The following POLN variants were observed in gnomAD, a reference collection of about 807,000 sequenced individuals.
POLN encodes DNA polymerase nu.
POLN carries 108 observed loss-of-function variants against 113.5 expected under a neutral mutation model. The ratio of observed to expected loss-of-function variants is 0.95; its 90% confidence interval spans 0.81 to 1.12. POLN has a LOEUF of 1.12. Ranked by LOEUF, POLN falls within the 50% of genes most tolerant of loss-of-function variation. The pLI is 0.00. For synonymous variants in POLN, 386 were observed against 391.5 expected (o/e 0.99, Z 0.17); for missense variants, 1,097 against 1,077.1 (o/e 1.02, Z -0.26).
intron 7 of POLN, among the ~76,000 whole-genome samples, chr4:2,181,994 C>T (rs1454213808): frequency 3.0e-5 from 4 of 133,660 alleles, no homozygotes; most frequent in Non-Finnish European, 4.5e-5. Flanking sequence ...AGTGAGACTC[C>T]GTCTCAAAAA....
intron 3 of POLN, chr4:2,228,091 G>A (rs1734444498): frequency 6.5e-6 from 1 of 153,086 alleles, no homozygotes; most frequent in Non-Finnish European, 1.5e-5. Flanking sequence ...GAGCTTTTGT[G>A]CTAATATTCG....
chr4:2,131,157 C>T, intron 17 of POLN, 76 bp downstream of exon 17: 1 of 1,075,920 alleles, frequency 9.3e-7, no homozygotes, highest in Admixed American at 1.9e-5. Flanking sequence ...TGCACTCTAG[C>T]CTGGGTGACA....
In POLN at chr4:2,085,681, C is replaced by T; in HGVS notation, c.2129G>A (p.Ser710Asn). The T allele has an allele frequency of 1.9e-6, 3 of 1,614,178 alleles. No individual in the cohort carries two copies. Among genetic ancestry groups the T allele is most frequent in the Non-Finnish European group, 2.5e-6 (3 of 1,180,048 alleles). Reference protein sequence around the residue: ...PIQEAAQFLESFLQKYKKIKD... With the variant: ...PIQEAAQFLENFLQKYKKIKD... ...GATTTTCTTGTACTTCTGCAAAAAACTCTCCAAAAACTGGGCAGCTTCCTG... is the reference window on the plus strand; with the variant it reads ...GATTTTCTTGTACTTCTGCAAAAAATTCTCCAAAAACTGGGCAGCTTCCTG... Residue 710 changes from serine to asparagine, a missense_variant, in exon 21 of 26, where the codon AGT becomes AAT. By Grantham distance (46) the Ser-to-Asn change is conservative (BLOSUM62 1). Transcript: ENST00000511885.
intron 6 of POLN, among the ~76,000 whole-genome samples, chr4:2,197,079 C>G (rs1733595345): frequency 6.6e-6 from 1 of 152,206 alleles, no homozygotes; most frequent in Non-Finnish European, 1.5e-5. Flanking sequence ...TGTGGCTTTT[C>G]TACACTTGAT....
chr4:2,196,046 G>T (rs1733564843), intron 6 of POLN, among the ~76,000 whole-genome samples: 1 of 152,150 alleles, frequency 6.6e-6, no homozygotes, highest in Non-Finnish European at 1.5e-5. Flanking sequence ...CAACCCAATT[G>T]CATCACTAAG....
rs372554094 is a variant in POLN at position 2,119,760 on chromosome 4, C to T, written c.1982+8353G>A. ...TGCTGCTTTTTTACCACATGCTATT[C>T]TAGTCCTCTGCTTGGAACATAAAAA... On this transcript the variant is annotated intron_variant, in intron 19 of 25. Transcript: ENST00000511885. Among the ~76,000 whole-genome samples, 88 of 152,148 alleles carry T rather than the reference C, an allele frequency of 5.8e-4. 1 individual carries two copies. The highest frequency in any genetic ancestry group is 3.4e-3 in the Middle Eastern group (1 of 294).
chr4:2,106,161 T>A (rs1159435136), intron 19 of POLN, among the ~76,000 whole-genome samples: 2 of 151,364 alleles, frequency 1.3e-5, no homozygotes, highest in African/African-American at 2.4e-5. Flanking sequence ...GAAAAAAAAA[T>A]GAATCTAAGA....
At chr4:2,120,815 T>C (rs767449954) in intron 19 of POLN, among the ~76,000 whole-genome samples, 19 of 152,326 alleles carry the variant, frequency 1.2e-4, no homozygotes, top group Non-Finnish European at 1.3e-4. Flanking sequence ...TGATTATTAA[T>C]GACATTGTGT....
chr4:2,104,370 G>C (rs2108706844), intron 19 of POLN, among the ~76,000 whole-genome samples: 1 of 152,298 alleles, frequency 6.6e-6, no homozygotes, highest in East Asian at 1.9e-4. Context: ...GAGTTTTTGT[G>C]TGGACATATG....
chr4:2,163,605 C>A (rs780958334), intron 13 of POLN, among the ~76,000 whole-genome samples: 1 of 152,246 alleles, frequency 6.6e-6, no homozygotes, highest in African/African-American at 2.4e-5. Context: ...ATCAGTTTCT[C>A]GGAGTTTAAC....
intron 20 of POLN, chr4:2,088,945 G>GGTT (rs1480234218): frequency 6.0e-6 from 6 of 1,002,232 alleles, no homozygotes; most frequent in Non-Finnish European, 9.1e-6. Context: ...TAGCAGCAAC[G>GGTT]GCCTTGGTCC....
At chr4:2,147,195 T>C (rs1487789070) in intron 16 of POLN, among the ~76,000 whole-genome samples, 1 of 152,212 alleles carries the variant, frequency 6.6e-6, no homozygotes, top group African/African-American at 2.4e-5. Flanking sequence ...TCTGAGCCAG[T>C]ATCATGAGTG....
At chr4:2,113,191 A>C (rs1009831885) in intron 19 of POLN, among the ~76,000 whole-genome samples, 32 of 138,740 alleles carry the variant, frequency 2.3e-4, no homozygotes, top group Admixed American at 1.0e-3. Context: ...AACAAAGAGA[A>C]CACATGGACA....
Position 2,218,003 on chromosome 4 carries a change from A to C in POLN, c.134-4877T>G, listed in dbSNP as rs562153528. Among the ~76,000 whole-genome samples the C allele has an allele frequency of 3.4e-3, 524 of 152,300 alleles. 2 individuals are homozygous for C. Among genetic ancestry groups the C allele is most frequent in the Non-Finnish European group, 6.6e-3 (451 of 68,030 alleles). On this transcript the variant is annotated intron_variant, in intron 3 of 25. Coordinates refer to ENST00000511885, the MANE Select transcript of POLN (RefSeq NM_181808.4). ...TCATTCTTAATGCTTCATTCTTAAAAATGCAGTAATTTAGCCAGGTGTGCA... is the reference window on the plus strand; with the variant it reads ...TCATTCTTAATGCTTCATTCTTAAACATGCAGTAATTTAGCCAGGTGTGCA...
At chr4:2,217,784 T>C (rs753423466) in intron 3 of POLN, among the ~76,000 whole-genome samples, 45 of 152,188 alleles carry the variant, frequency 3.0e-4, no homozygotes, top group Non-Finnish European at 5.7e-4. Context: ...GTCTGTTGGG[T>C]TGGAAGTCCA....
In POLN at chr4:2,232,744, C is replaced by T. The variant is rs147780101; in HGVS notation, c.-12-3501G>A. ...CAAGAATCTAGCCATGCCGACCCTT[C>T]ATATTTATTACAGTAAATTCAAATT... On this transcript the variant is annotated intron_variant, in intron 2 of 25. Transcript: ENST00000511885. 6.6e-3 allele frequency among the ~76,000 whole-genome samples: 1,000 copies of T among 152,296 alleles called. 6 individuals carry two copies. Among genetic ancestry groups the T allele is most frequent in the Admixed American group, 0.017 (264 of 15,302 alleles).
chr4:2,212,756 C>T (rs765594449), intron 4 of POLN, among the ~76,000 whole-genome samples: 1 of 152,042 alleles, frequency 6.6e-6, no homozygotes, highest in Non-Finnish European at 1.5e-5. Flanking sequence ...AGAAAGACAT[C>T]CCTGACTCTT....
At chr4:2,190,468 G>A (rs1254968765) in intron 7 of POLN, among the ~76,000 whole-genome samples, 2 of 136,606 alleles carry the variant, frequency 1.5e-5, no homozygotes, top group Non-Finnish European at 3.0e-5. Context: ...GCATTTGTCT[G>A]GGCAATGATT....
At chr4:2,188,458 G>A (rs1328121550) in intron 7 of POLN, among the ~76,000 whole-genome samples, 3 of 151,882 alleles carry the variant, frequency 2.0e-5, no homozygotes, top group African/African-American at 4.8e-5. Context: ...AAAATTAGCC[G>A]GGCCTGGTGG....
Sources: allele counts gnomAD v4.1 joint callset (sites outside exome capture counted in the v4.1 genomes callset), GRCh38; gene constraint gnomAD v4.1.1; transcripts MANE v1.5; gene names NCBI Gene and HGNC (gene_info 2026-07-23, HGNC 2026-07-21).